Variants in PCYT1B observed in about 807,000 individuals in gnomAD.
The protein encoded by PCYT1B is phosphate cytidylyltransferase 1B, choline.
Under a neutral mutation model 26.4 loss-of-function variants are expected in PCYT1B, and 10 were observed. That is an observed-to-expected ratio of 0.38 (90% CI 0.23 to 0.64). The LOEUF (loss-of-function observed/expected upper bound fraction) is 0.64, where lower values mean the gene tolerates loss of function less well. Ranked by LOEUF, PCYT1B falls within the 30% of genes least tolerant of loss-of-function variation. The pLI is 0.56. For missense variants in PCYT1B, 161 were observed against 292.7 expected (o/e 0.55, Z 3.28); for synonymous variants, 131 against 108.4 (o/e 1.21, Z -1.29).
At chrX:24,605,586 G>A (rs956330815) in intron 3 of PCYT1B, among the ~76,000 whole-genome samples, 3 of 111,983 alleles carry the variant, frequency 2.7e-5, no homozygotes, top group African/African-American at 6.5e-5. Flanking sequence ...CATCCCCAGT[G>A]TACAGAAAAA....
chrX:24,656,516 T>C (rs1926918386), intron 1 of PCYT1B, among the ~76,000 whole-genome samples: 1 of 106,111 alleles, frequency 9.4e-6, no homozygotes, highest in Non-Finnish European at 1.9e-5. Context: ...AGATGAACAG[T>C]AAGGAGCTCC....
rs202124329 is a variant in PCYT1B at position 24,589,975 on chromosome X, A to G, written c.486+48T>C. The G allele has an allele frequency of 1.1e-3, 1,190 of 1,068,959 alleles. 1 individual carries two copies. Among genetic ancestry groups the G allele is most frequent in the Non-Finnish European group, 1.1e-3 (849 of 785,855 alleles). 88.1% of individuals were successfully genotyped at this position (1,068,959 alleles called of 1,213,427 possible). On this transcript the variant is annotated intron_variant, in intron 4 of 7. Transcript: ENST00000379144. ...TTTCCGTAGTCTTGGCTGCAGAACC[A>G]GACTCCCTAATCTTGCTACTTAGAG...
intron 3 of PCYT1B, among the ~76,000 whole-genome samples, chrX:24,593,433 CTTTCTTTCTTTCTTTTCTTTTCT>C (rs1290277691): frequency 9.0e-5 from 6 of 66,400 alleles, no homozygotes; most frequent in Admixed American, 3.4e-4. Flanking sequence ...TCTTTCTTTC[CTTTCTTTCTTTCTTTTCTTTTCT>C]TTTCTTTTCT....
chrX:24,637,826 A>T (rs1243869288), intron 1 of PCYT1B, among the ~76,000 whole-genome samples: 1 of 110,002 alleles, frequency 9.1e-6, no homozygotes, highest in African/African-American at 3.3e-5. Flanking sequence ...TACAGTGTGC[A>T]CTGTGAATGG....
At chrX:24,661,560 A>G (rs763984291) in intron 1 of PCYT1B, among the ~76,000 whole-genome samples, 386 of 111,851 alleles carry the variant, frequency 3.5e-3, no homozygotes, top group Non-Finnish European at 5.9e-3. Context: ...ACACCTCTTG[A>G]TCTGAGGCCA....
chrX:24,641,960 C>T lies in PCYT1B; in HGVS notation c.117+5029G>A, dbSNP rs1334000847. On this transcript the variant is annotated intron_variant, in intron 1 of 7. Coordinates refer to ENST00000379144, the MANE Select transcript of PCYT1B (RefSeq NM_004845.5). Reference sequence around the variant, plus strand: ...ATGTATTGGGGTGAGCAAGTAAAACCTTTTCTTCAAATGCAGGGACTTTTC... The same window carrying T: ...ATGTATTGGGGTGAGCAAGTAAAACTTTTTCTTCAAATGCAGGGACTTTTC... 2.7e-5 allele frequency among the ~76,000 whole-genome samples: 3 copies of T among 112,423 alleles called. No homozygotes were observed. The Admixed American group carries it at 2.8e-4, about 11-fold the overall frequency.
At chrX:24,609,119 G>A (rs1311159112) in intron 2 of PCYT1B, among the ~76,000 whole-genome samples, 1 of 111,685 alleles carries the variant, frequency 9.0e-6, no homozygotes, top group African/African-American at 3.2e-5. Context: ...TATTCTTGCA[G>A]TGAGAAGGAA....
intron 1 of PCYT1B, among the ~76,000 whole-genome samples, chrX:24,654,706 C>T (rs923500967): frequency 4.3e-5 from 4 of 93,695 alleles, no homozygotes; most frequent in African/African-American, 1.2e-4. Context: ...GCCGAGATTG[C>T]GCCAGTGCAC....
At chrX:24,572,382 T>C (rs1923860729) in intron 7 of PCYT1B, among the ~76,000 whole-genome samples, 1 of 111,495 alleles carries the variant, frequency 9.0e-6, no homozygotes, top group South Asian at 3.8e-4. Flanking sequence ...CATCCATTCA[T>C]TCATACATTC....
intron 1 of PCYT1B, among the ~76,000 whole-genome samples, chrX:24,638,485 G>A (rs866108668): frequency 2.7e-5 from 3 of 112,153 alleles, no homozygotes; most frequent in African/African-American, 6.5e-5. Flanking sequence ...GGCCAGCAAC[G>A]GGTAATCAGA....
chrX:24,606,114 ATTG>A (rs1925127675), intron 3 of PCYT1B, among the ~76,000 whole-genome samples: 1 of 109,391 alleles, frequency 9.1e-6, no homozygotes, highest in Non-Finnish European at 1.9e-5. Flanking sequence ...CAGTGAAACC[ATTG>A]TTGCCTAATG....
intron 7 of PCYT1B, among the ~76,000 whole-genome samples, chrX:24,563,684 G>A (rs923729859): frequency 4.5e-5 from 5 of 111,527 alleles, no homozygotes; most frequent in South Asian, 7.6e-4. Flanking sequence ...AGAGGGGGAG[G>A]CACTGCGGGA....
At chrX:24,614,017 G>A (rs761595035) in intron 2 of PCYT1B, among the ~76,000 whole-genome samples, 1 of 108,560 alleles carries the variant, frequency 9.2e-6, no homozygotes, top group Non-Finnish European at 1.9e-5. Context: ...GAAAAGAAAG[G>A]CAGTTTTAAT....
chrX:24,643,711 T>C (rs758042390), intron 1 of PCYT1B, among the ~76,000 whole-genome samples: 1 of 112,260 alleles, frequency 8.9e-6, no homozygotes. Context: ...ATCTGCAATA[T>C]TATTATCAAT....
chrX:24,671,425 A>G (rs760328343), intron 1 of PCYT1B, among the ~76,000 whole-genome samples: 1 of 111,519 alleles, frequency 9.0e-6, no homozygotes, highest in East Asian at 2.8e-4. Flanking sequence ...AGTCTTCAAT[A>G]TACAGTACAA....
At chrX:24,582,796 C>A (rs983762487) in intron 5 of PCYT1B, among the ~76,000 whole-genome samples, 2 of 111,885 alleles carry the variant, frequency 1.8e-5, no homozygotes, top group Non-Finnish European at 3.8e-5. Flanking sequence ...TCAAAATAAG[C>A]CATGATTTGA....
intron 1 of PCYT1B, among the ~76,000 whole-genome samples, chrX:24,672,405 G>C (rs970078770): frequency 1.8e-5 from 2 of 111,479 alleles, no homozygotes; most frequent in Non-Finnish European, 3.8e-5. Flanking sequence ...GTTTTTCTTT[G>C]TCTTTTTTTA....
intron 1 of PCYT1B, among the ~76,000 whole-genome samples, chrX:24,630,398 C>T (rs1926035630): frequency 9.0e-6 from 1 of 111,317 alleles, no homozygotes; most frequent in Non-Finnish European, 1.9e-5. Flanking sequence ...TGAGTTCACG[C>T]CATTCTCCTG....
Position 24,619,065 on chromosome X carries a change from G to A in PCYT1B, c.137C>T (p.Pro46Leu). ...QPRLTLTAPA[P>L]FADETNCQCQ... ...CTGGCAGTTGGTTTCATCAGCAAATGGGGCAGGTGCAGTCAGGGTCTAGAA... is the reference window on the plus strand; with the variant it reads ...CTGGCAGTTGGTTTCATCAGCAAATAGGGCAGGTGCAGTCAGGGTCTAGAA... Residue 46 changes from proline to leucine, a missense_variant, in exon 2 of 8, where the codon CCA becomes CTA. Transcript: ENST00000379144. 3.4e-6 allele frequency: 4 copies of A among 1,191,772 alleles called. No individual in the cohort carries two copies. Among genetic ancestry groups the A allele is most frequent in the Non-Finnish European group, 4.5e-6 (4 of 881,950 alleles).
Sources: gnomAD v4.1 joint callset for allele counts (sites outside exome capture counted in the v4.1 genomes callset) on GRCh38, gnomAD v4.1.1 for gene constraint, MANE v1.5 for transcripts, NCBI Gene and HGNC (gene_info 2026-07-23, HGNC 2026-07-21) for gene names.